SPAG16: variants seen among roughly 807,000 people sequenced by gnomAD.
SPAG16 encodes the protein sperm associated antigen 16, also known as sperm-associated antigen 16 protein.
SPAG16 carries 86 observed loss-of-function variants against 80.4 expected under a neutral mutation model. The observed-to-expected ratio is 1.07, with a 90% CI of 0.90 to 1.28. The LOEUF is 1.28. SPAG16 is among the 50% of genes most tolerant of loss of function. SPAG16 has a pLI of 0.00. For synonymous variants in SPAG16, 294 were observed against 265.9 expected (o/e 1.11, Z -1.03); for missense variants, 870 against 765.3 (o/e 1.14, Z -1.61).
At chr2:213,749,439 G>A (rs1048989969) in intron 10 of SPAG16, among the ~76,000 whole-genome samples, 1 of 152,062 alleles carries the variant, frequency 6.6e-6, no homozygotes, top group Non-Finnish European at 1.5e-5. Flanking sequence ...TGCTAGGTGG[G>A]GTAGATTAGA....
intron 15 of SPAG16, among the ~76,000 whole-genome samples, chr2:214,289,209 G>A (rs961225917): frequency 6.6e-6 from 1 of 152,138 alleles, no homozygotes; most frequent in East Asian, 1.9e-4. Context: ...TTCACTCAAC[G>A]GATTGTTTCC....
intron 14 of SPAG16, among the ~76,000 whole-genome samples, chr2:214,136,363 C>T (rs559906386): frequency 6.6e-6 from 1 of 152,206 alleles, no homozygotes; most frequent in African/African-American, 2.4e-5. Flanking sequence ...TAACTTAAAC[C>T]TTGGTTGTCT....
In SPAG16 at chr2:213,615,691, C is replaced by A. The variant is rs192286162; in HGVS notation, c.1070+125601C>A. Among the ~76,000 whole-genome samples, 156 of 152,166 alleles carry A rather than the reference C, an allele frequency of 1.0e-3. 1 individual carries two copies. Among genetic ancestry groups the A allele is most frequent in the Middle Eastern group, 3.4e-3 (1 of 294 alleles). ...ACTTAAATTAACCTGATAACTTTAG[C>A]CAAATGTTTATTGTGTTGTGTTATT... On this transcript the variant is annotated intron_variant, in intron 10 of 15. Transcript: ENST00000331683.
intron 15 of SPAG16, among the ~76,000 whole-genome samples, chr2:214,196,275 C>T (rs774326093): frequency 1.2e-4 from 18 of 151,960 alleles, no homozygotes; most frequent in Non-Finnish European, 2.5e-4. Flanking sequence ...CCCTGTGGAG[C>T]CTTGGCATCT....
intron 15 of SPAG16, among the ~76,000 whole-genome samples, chr2:214,227,811 T>C (rs1344061185): frequency 6.6e-6 from 1 of 151,782 alleles, no homozygotes; most frequent in East Asian, 1.9e-4. Flanking sequence ...CTCAGTTTGT[T>C]ATTATTGTAC....
chr2:213,653,287 G>T (rs2063093841), intron 10 of SPAG16, among the ~76,000 whole-genome samples: 1 of 152,110 alleles, frequency 6.6e-6, no homozygotes, highest in Admixed American at 6.5e-5. Context: ...ATAGTAAAAA[G>T]GATGAATGAA....
intron 13 of SPAG16, among the ~76,000 whole-genome samples, chr2:214,014,388 T>G (rs2047482044): frequency 6.6e-6 from 1 of 152,216 alleles, no homozygotes; most frequent in Non-Finnish European, 1.5e-5. Context: ...CTTAAGGATC[T>G]TTTAGCTAGG....
Position 213,527,974 on chromosome 2 carries a change from A to G in SPAG16, c.1070+37884A>G, listed in dbSNP as rs759540320. On this transcript the variant is annotated intron_variant, in intron 10 of 15. Coordinates refer to ENST00000331683, the MANE Select transcript of SPAG16 (RefSeq NM_024532.5). ...TGGATGAGAGGCTTGAAAAAAATCA[A>G]TAAAAATATAAAAACAAATGAAGCT... Among the ~76,000 whole-genome samples the G allele has an allele frequency of 5.1e-4, 77 of 152,344 alleles. No individual in the cohort carries two copies. The Middle Eastern group carries it at 0.014, about 27-fold the overall frequency.
At chr2:213,579,030 T>A (rs2060217638) in intron 10 of SPAG16, among the ~76,000 whole-genome samples, 2 of 152,278 alleles carry the variant, frequency 1.3e-5, no homozygotes, top group East Asian at 1.9e-4. Context: ...AGTAGCCGAA[T>A]CAGTGTTATA....
intron 10 of SPAG16, among the ~76,000 whole-genome samples, chr2:213,831,419 TTTTTTTTAACCTCA>T (rs2073652628): frequency 2.0e-5 from 3 of 152,104 alleles, no homozygotes; most frequent in Non-Finnish European, 4.4e-5. Context: ...AGGTGTTTTT[TTTTTTTTAACCTCA>T]TATTTTCAGA....
intron 15 of SPAG16, among the ~76,000 whole-genome samples, chr2:214,385,700 C>T (rs775594943): frequency 1.3e-5 from 2 of 152,024 alleles, no homozygotes; most frequent in African/African-American, 4.8e-5. Flanking sequence ...AAAAATTAGC[C>T]GGGTGTGGTG....
chr2:213,546,024 AC>A (rs2076601449), intron 10 of SPAG16, among the ~76,000 whole-genome samples: 1 of 152,030 alleles, frequency 6.6e-6, no homozygotes, highest in Non-Finnish European at 1.5e-5. Context: ...TGGGTGCCTT[AC>A]CTTTGCCTTA....
rs775906133 is a variant in SPAG16 at position 213,310,123 on chromosome 2, A to G, written c.344A>G (p.Asn115Ser). The change falls in exon 4 of 16, where the codon AAT (asparagine) becomes AGT (serine). Residue 115 changes from asparagine (N) to serine (S), a missense_variant. Coordinates refer to ENST00000331683, the MANE Select transcript of SPAG16 (RefSeq NM_024532.5). ...GAAGTAATAGAAGACTTTCTCTGCA[A>G]TTTCTTGATCAAAATGGGAATGACC... Reference protein sequence around the residue: ...VPEVIEDFLCNFLIKMGMTRT... With the variant: ...VPEVIEDFLCSFLIKMGMTRT... The G allele has an allele frequency of 1.2e-6, 2 of 1,612,156 alleles. No homozygotes were observed. The highest frequency in any genetic ancestry group is 1.7e-6 in the Non-Finnish European group (2 of 1,178,796).
At chr2:213,620,098 TA>T (rs993172012) in intron 10 of SPAG16, among the ~76,000 whole-genome samples, 14 of 148,788 alleles carry the variant, frequency 9.4e-5, no homozygotes, top group African/African-American at 3.2e-4. Flanking sequence ...AGGTGGGAGC[TA>T]AAAAAAAAGT....
intron 10 of SPAG16, among the ~76,000 whole-genome samples, chr2:213,596,126 C>T (rs189096539): frequency 5.7e-4 from 86 of 152,162 alleles, no homozygotes; most frequent in African/African-American, 2.0e-3. Context: ...ATATCACATA[C>T]ATAGAATAAT....
intron 5 of SPAG16, among the ~76,000 whole-genome samples, chr2:213,319,832 ATTAAC>A (rs2063542790): frequency 6.6e-6 from 1 of 152,024 alleles, no homozygotes; most frequent in African/African-American, 2.4e-5. Context: ...CATGCAGATT[ATTAAC>A]TTAATGTTAA....
chr2:214,272,159 A>G (rs1692077011), intron 15 of SPAG16, among the ~76,000 whole-genome samples: 1 of 152,084 alleles, frequency 6.6e-6, no homozygotes, highest in Admixed American at 6.5e-5. Context: ...TATATTTACC[A>G]ATTTTCCTTT....
chr2:214,191,890 C>G (rs903957490), intron 15 of SPAG16, among the ~76,000 whole-genome samples: 2 of 151,744 alleles, frequency 1.3e-5, no homozygotes, highest in Non-Finnish European at 2.9e-5. Context: ...TTTGAAGATC[C>G]TTGCTTAAAA....
intron 10 of SPAG16, among the ~76,000 whole-genome samples, chr2:213,653,924 C>G (rs1054241902): frequency 6.6e-6 from 1 of 151,960 alleles, no homozygotes; most frequent in Non-Finnish European, 1.5e-5. Context: ...AATGCTTAAG[C>G]CTTACTTAAA....
Sources: allele counts gnomAD v4.1 joint callset (sites outside exome capture counted in the v4.1 genomes callset), GRCh38; gene constraint gnomAD v4.1.1; transcripts MANE v1.5; gene names NCBI Gene and HGNC (gene_info 2026-07-23, HGNC 2026-07-21).